Variants in ADGRL3 observed in about 807,000 individuals in gnomAD.
ADGRL3 encodes the protein calcium-independent alpha-latrotoxin receptor 3.
ADGRL3 carries 62 observed loss-of-function variants against 153.5 expected under a neutral mutation model. The ratio of observed to expected loss-of-function variants is 0.40; its 90% CI spans 0.33 to 0.50. The LOEUF is 0.50. Ranked by LOEUF, ADGRL3 falls within the 20% of genes least tolerant of loss-of-function variation. ADGRL3 has a pLI of 0.47. For synonymous variants in ADGRL3, 710 were observed against 672.5 expected, an observed-to-expected ratio of 1.06 and a Z score of -0.86; for missense variants, 1,641 against 1,859.4, an observed-to-expected ratio of 0.88 and a Z score of 2.16.
At chr4:61,401,760 G>A (rs1467199948) in intron 2 of ADGRL3, among the ~76,000 whole-genome samples, 1 of 152,022 alleles carries the variant, frequency 6.6e-6, no homozygotes, top group Non-Finnish European at 1.5e-5. Context: ...TCAAAAACCT[G>A]TAACATATAT....
At chr4:62,039,401 C>A (rs1726922585) in intron 24 of ADGRL3, among the ~76,000 whole-genome samples, 1 of 152,100 alleles carries the variant, frequency 6.6e-6, no homozygotes, top group African/African-American at 2.4e-5. Context: ...TCTTTAATAT[C>A]AATCTAATAT....
At chr4:61,578,959 T>C (rs554157295) in intron 4 of ADGRL3, among the ~76,000 whole-genome samples, 1 of 152,250 alleles carries the variant, frequency 6.6e-6, no homozygotes, top group South Asian at 2.1e-4. Context: ...GGCCTATCTC[T>C]TCTCTCCTGC....
intron 9 of ADGRL3, among the ~76,000 whole-genome samples, chr4:61,833,860 A>G (rs1247520187): frequency 6.6e-6 from 1 of 152,156 alleles, no homozygotes; most frequent in African/African-American, 2.4e-5. Flanking sequence ...GCCTATGCCC[A>G]GGAGTGAACA....
At chr4:61,604,357 A>C (rs565916018) in intron 5 of ADGRL3, among the ~76,000 whole-genome samples, 1 of 152,332 alleles carries the variant, frequency 6.6e-6, no homozygotes, top group Non-Finnish European at 1.5e-5. Context: ...ATAACTTTTA[A>C]AATTATTTTG....
intron 4 of ADGRL3, among the ~76,000 whole-genome samples, chr4:61,553,587 A>T (rs575042225): frequency 1.3e-5 from 2 of 152,196 alleles, no homozygotes; most frequent in South Asian, 4.1e-4. Context: ...CTTATTGATT[A>T]TTGTCTGACA....
At chr4:61,935,772 A>G (rs1252999885) in intron 14 of ADGRL3, 151 bp from the exon 15 acceptor site, 1 of 707,800 alleles carries the variant, frequency 1.4e-6, no homozygotes, top group African/African-American at 1.8e-5. Context: ...TAAAATACTA[A>G]CAATATATTT....
intron 3 of ADGRL3, among the ~76,000 whole-genome samples, chr4:61,516,595 T>G (rs1363974983): frequency 6.6e-6 from 1 of 152,188 alleles, no homozygotes; most frequent in Non-Finnish European, 1.5e-5. Context: ...ATGTATACTT[T>G]TTTTTCATTA....
chr4:61,941,939 G>A (rs1218073816), intron 15 of ADGRL3, among the ~76,000 whole-genome samples: 2 of 38,360 alleles, frequency 5.2e-5, no homozygotes. Context: ...TCTCCTGCCT[G>A]ATTGCCCTGG....
intron 2 of ADGRL3, among the ~76,000 whole-genome samples, chr4:61,478,700 A>G (rs2098095766): frequency 1.3e-5 from 2 of 152,032 alleles, no homozygotes; most frequent in African/African-American, 2.4e-5. Context: ...GGATCTGGAT[A>G]ATGATGTTTT....
Position 61,207,794 on chromosome 4 carries a change from G to T in ADGRL3, c.-240+6029G>T, listed in dbSNP as rs182755654. 5.5e-4 allele frequency among the ~76,000 whole-genome samples: 84 copies of T among 152,234 alleles called. 1 individual carries two copies. Among genetic ancestry groups the T allele is most frequent in the Admixed American group, 8.5e-4 (13 of 15,298 alleles). On this transcript the variant is annotated intron_variant, in intron 1 of 26. Coordinates refer to ENST00000683033, the MANE Select transcript of ADGRL3 (RefSeq NM_001387552.1). Reference sequence around the variant, plus strand: ...TGGTTTTGATTTGCATTTCTCTAATGTAGGTCATTAATTTTTAAGAGTATA... The same window carrying T: ...TGGTTTTGATTTGCATTTCTCTAATTTAGGTCATTAATTTTTAAGAGTATA...
chr4:61,909,463 G>A (rs2098711810), intron 11 of ADGRL3, 97 bp from the exon 12 acceptor site: 3 of 763,830 alleles, frequency 3.9e-6, no homozygotes, highest in East Asian at 5.8e-5. Context: ...TTCTTGAATC[G>A]ATGATTACAA....
intron 2 of ADGRL3, among the ~76,000 whole-genome samples, chr4:61,481,610 A>T (rs1309984186): frequency 6.6e-6 from 1 of 151,976 alleles, no homozygotes; most frequent in East Asian, 1.9e-4. Context: ...TATATTAATG[A>T]GTGTTTGTTT....
At chr4:62,014,988 G>A (rs547766252) in intron 21 of ADGRL3, among the ~76,000 whole-genome samples, 27 of 152,228 alleles carry the variant, frequency 1.8e-4, no homozygotes, top group African/African-American at 6.5e-4. Context: ...GTTTTAAAAT[G>A]CTATTTTTTC....
chr4:61,403,521 T>A (rs985032260), intron 2 of ADGRL3, among the ~76,000 whole-genome samples: 6 of 152,128 alleles, frequency 3.9e-5, no homozygotes, highest in Admixed American at 3.3e-4. Flanking sequence ...AGCCCCGTGC[T>A]CCTTCTCCCA....
chr4:61,592,372 C>A (rs1180937029), intron 5 of ADGRL3, among the ~76,000 whole-genome samples: 2 of 152,068 alleles, frequency 1.3e-5, no homozygotes, highest in African/African-American at 4.8e-5. Flanking sequence ...TATGTTGTCT[C>A]GTATTTCTCT....
rs1214880511 is a variant in ADGRL3, at chr4:62,072,935, CTTA to C, written c.*2030_*2032del. On this transcript the variant is annotated 3_prime_UTR_variant, in exon 27 of 27. Transcript: ENST00000683033. ...AATAAGACTTTTATTGTGTTTTTTT[CTTA>C]TTCTATATATGAGGGAAATCGGAAA... 1.3e-5 allele frequency: 2 copies of C among 151,808 alleles called. No homozygotes were observed. The highest frequency in any genetic ancestry group is 4.8e-5 in the African/African-American group (2 of 41,340). The allele number at this position is 151,808 out of a possible 1,614,324, so 9.4% of individuals were successfully genotyped here. A position where few individuals can be genotyped will look rare whatever the true frequency, so the allele number is the denominator to read the frequency against.
chr4:61,223,001 T>C (rs1746371862), intron 1 of ADGRL3, among the ~76,000 whole-genome samples: 1 of 152,170 alleles, frequency 6.6e-6, no homozygotes, highest in African/African-American at 2.4e-5. Context: ...TTCCAGTTCA[T>C]GTTGATGTTT....
intron 2 of ADGRL3, among the ~76,000 whole-genome samples, chr4:61,430,277 A>G (rs1343129856): frequency 1.3e-5 from 2 of 152,168 alleles, no homozygotes; most frequent in Admixed American, 6.5e-5. Flanking sequence ...CATGAGTGCA[A>G]TAGTCTAGCT....
intron 1 of ADGRL3, among the ~76,000 whole-genome samples, chr4:61,337,546 A>G (rs1263277822): frequency 6.6e-6 from 1 of 152,032 alleles, no homozygotes; most frequent in Admixed American, 6.6e-5. Context: ...TCAAGGGACT[A>G]CCTTCCTCGT....
Sources: allele counts gnomAD v4.1 joint callset (sites outside exome capture counted in the v4.1 genomes callset), GRCh38; gene constraint gnomAD v4.1.1; transcripts MANE v1.5; gene names NCBI Gene and HGNC (gene_info 2026-07-23, HGNC 2026-07-21).